NAALADL2: variants seen among roughly 807,000 people sequenced by gnomAD.
NAALADL2 encodes inactive N-acetylated-alpha-linked acidic dipeptidase-like protein 2.
In NAALADL2, 76 loss-of-function variants were observed where a neutral mutation model predicts 87.2. That is an observed-to-expected ratio of 0.87 (90% confidence interval 0.72 to 1.05). NAALADL2 has a LOEUF of 1.05. NAALADL2 is among the 50% of genes least tolerant of loss of function. NAALADL2 has a pLI of 0.00. For missense variants in NAALADL2, 1,089 were observed against 945.8 expected (o/e 1.15, Z -1.99); for synonymous variants, 354 against 331.0 (o/e 1.07, Z -0.75).
chr3:175,263,915 TA>T (rs1248104181), intron 4 of NAALADL2, among the ~76,000 whole-genome samples: 2 of 151,834 alleles, frequency 1.3e-5, no homozygotes, highest in Non-Finnish European at 3.0e-5. Context: ...GTTGGGCAAT[TA>T]CTTGGGCTTA....
intron 2 of NAALADL2, among the ~76,000 whole-genome samples, chr3:174,660,066 G>A (rs1327533887): frequency 6.6e-6 from 1 of 152,088 alleles, no homozygotes; most frequent in East Asian, 1.9e-4. Context: ...GACAATAGAA[G>A]AATGTGTGCT....
In NAALADL2 at chr3:175,803,040, G is replaced by C. The variant is rs758302239; in HGVS notation, c.2225G>C (p.Arg742Pro). ...TACCACCTTGATGAAAAGACAAGCC[G>C]GTTTTCAATACTTATAGAGGCTTGG... ...ILYHLDEKTS[R>P]FSILIEAWEH... is the part of the protein sequence containing the mutation. Residue 742 changes from arginine to proline, a missense_variant, in exon 14 of 14, where the codon CGG becomes CCG. Coordinates refer to ENST00000454872, the MANE Select transcript of NAALADL2 (RefSeq NM_207015.3). The C allele has an allele frequency of 6.2e-7, 1 of 1,611,864 alleles. No individual in the cohort carries two copies. Among genetic ancestry groups the C allele is most frequent in the African/African-American group, 1.3e-5 (1 of 74,776 alleles).
At chr3:175,474,295 A>T (rs2149301206) in intron 9 of NAALADL2, among the ~76,000 whole-genome samples, 1 of 152,330 alleles carries the variant, frequency 6.6e-6, no homozygotes, top group Non-Finnish European at 1.5e-5. Flanking sequence ...GAAATCTTTA[A>T]AGTATTATTA....
chr3:175,585,764 C>T (rs971970486), intron 10 of NAALADL2, among the ~76,000 whole-genome samples: 1 of 151,604 alleles, frequency 6.6e-6, no homozygotes, highest in Admixed American at 6.6e-5. Context: ...GACGATTTTC[C>T]TTGTCTCTTC....
intron 2 of NAALADL2, among the ~76,000 whole-genome samples, chr3:175,143,219 A>G (rs1000961124): frequency 1.4e-4 from 22 of 151,916 alleles, no homozygotes; most frequent in African/African-American, 4.8e-4. Flanking sequence ...CATAGTATCT[A>G]ATAGTGTCCA....
intron 9 of NAALADL2, among the ~76,000 whole-genome samples, chr3:175,555,030 G>A (rs1284994613): frequency 6.6e-6 from 1 of 152,114 alleles, no homozygotes; most frequent in Non-Finnish European, 1.5e-5. Flanking sequence ...TTGGCATAAA[G>A]CTAGTCACTT....
chr3:175,570,879 C>CAA (rs553923028), intron 9 of NAALADL2, among the ~76,000 whole-genome samples: 4,565 of 77,738 alleles, frequency 0.059, 232 homozygotes, highest in African/African-American at 0.15. Context: ...GACTCCATCT[C>CAA]AAAAAAAAAA....
chr3:175,518,715 C>A (rs1037815189), intron 9 of NAALADL2, among the ~76,000 whole-genome samples: 1 of 152,154 alleles, frequency 6.6e-6, no homozygotes, highest in African/African-American at 2.4e-5. Context: ...GCCATGATAA[C>A]CCATTCATCT....
intron 4 of NAALADL2, among the ~76,000 whole-genome samples, chr3:175,269,703 T>G (rs1378801522): frequency 6.6e-6 from 1 of 152,236 alleles, no homozygotes; most frequent in Non-Finnish European, 1.5e-5. Flanking sequence ...TTTGAATGTC[T>G]TATCCAATGT....
chr3:175,734,384 C>G (rs1012082438), intron 11 of NAALADL2, among the ~76,000 whole-genome samples: 252 of 152,160 alleles, frequency 1.7e-3, no homozygotes, highest in African/African-American at 5.8e-3. Flanking sequence ...GAAACCCCAT[C>G]TCTACTAAAA....
chr3:174,840,386 G>A (rs949237717), intron 3 of NAALADL2, among the ~76,000 whole-genome samples: 1 of 152,036 alleles, frequency 6.6e-6, no homozygotes, highest in Admixed American at 6.6e-5. Flanking sequence ...TGCACTAGGA[G>A]TCGGAAGATA....
intron 2 of NAALADL2, among the ~76,000 whole-genome samples, chr3:175,145,684 T>TC (rs1397110147): frequency 3.1e-5 from 2 of 64,840 alleles, no homozygotes; most frequent in African/African-American, 1.2e-4. Context: ...CTTCTGTGTA[T>TC]TTTTTTTTAC....
At chr3:175,522,981 G>C (rs577390936) in intron 9 of NAALADL2, among the ~76,000 whole-genome samples, 1 of 152,062 alleles carries the variant, frequency 6.6e-6, no homozygotes, top group Admixed American at 6.6e-5. Flanking sequence ...TCCTTTAAAC[G>C]AGAAGTTCTT....
intron 10 of NAALADL2, among the ~76,000 whole-genome samples, chr3:175,621,649 C>T (rs969800396): frequency 5.9e-5 from 9 of 152,058 alleles, no homozygotes; most frequent in Admixed American, 5.2e-4. Context: ...TAGAACAATA[C>T]TACAATAAGA....
intron 2 of NAALADL2, among the ~76,000 whole-genome samples, chr3:175,202,049 A>ATT (rs947506653): frequency 4.0e-4 from 59 of 148,046 alleles, no homozygotes; most frequent in African/African-American, 1.5e-3. Context: ...ATTACTATTT[A>ATT]TTTTTTTTTT....
intron 2 of NAALADL2, among the ~76,000 whole-genome samples, chr3:174,582,426 T>TA (rs997971924): frequency 2.6e-5 from 4 of 152,090 alleles, no homozygotes; most frequent in Admixed American, 2.0e-4. Flanking sequence ...AACAAACAAA[T>TA]AAAAAACCTG....
At chr3:175,078,192 T>G (rs1717002579) in intron 1 of NAALADL2, among the ~76,000 whole-genome samples, 1 of 152,000 alleles carries the variant, frequency 6.6e-6, no homozygotes, top group Non-Finnish European at 1.5e-5. Context: ...GCCTGGTTAA[T>G]TTTTGTATTT....
chr3:175,097,249 T>G lies in NAALADL2; in HGVS notation c.503T>G (p.Ile168Ser). 2 of 1,612,918 alleles carry G rather than the reference T, an allele frequency of 1.2e-6. No individual in the cohort carries two copies. Among genetic ancestry groups the G allele is most frequent in the Non-Finnish European group, 8.5e-7 (1 of 1,179,256 alleles). ...GTVDPQLYQE[I>S]LKTIQAEDIK... ...GTTGATCCTCAGTTATATCAAGAGA[T>G]TCTCAAGACAATCCAGGCAGAAGAT... is the stretch of plus-strand genomic sequence containing the variant. Residue 168 changes from isoleucine (I) to serine (S), a missense_variant, in exon 2 of 14, where the codon ATT becomes AGT. Coordinates refer to ENST00000454872, the MANE Select transcript of NAALADL2 (RefSeq NM_207015.3).
At chr3:174,952,331 CT>C (rs1230500616) in intron 1 of NAALADL2, among the ~76,000 whole-genome samples, 2 of 152,256 alleles carry the variant, frequency 1.3e-5, no homozygotes, top group East Asian at 3.9e-4. Context: ...CTTCGTGACT[CT>C]TTTAACATTA....
Sources: gnomAD v4.1 joint callset for allele counts (sites outside exome capture counted in the v4.1 genomes callset) on GRCh38, gnomAD v4.1.1 for gene constraint, MANE v1.5 for transcripts, NCBI Gene and HGNC (gene_info 2026-07-23, HGNC 2026-07-21) for gene names.